LARP4: variants seen among roughly 807,000 people sequenced by gnomAD.
LARP4 encodes la-related protein 4.
In LARP4, 29 loss-of-function variants were observed where a neutral mutation model predicts 92.9. The ratio of observed to expected loss-of-function variants is 0.31; its 90% CI spans 0.23 to 0.43. The LOEUF is 0.43. Ranked by LOEUF, LARP4 falls within the 20% of genes least tolerant of loss-of-function variation. The pLI is 1.00. For synonymous variants in LARP4, 279 were observed against 284.1 expected (o/e 0.98, Z 0.18); for missense variants, 732 against 860.0 (o/e 0.85, Z 1.86).
At chr12:50,460,477 A>G (rs1955173949) in intron 10 of LARP4, among the ~76,000 whole-genome samples, 1 of 152,044 alleles carries the variant, frequency 6.6e-6, no homozygotes. Context: ...TTATAGGTGC[A>G]TACCACTGCA....
At position 50,439,037 on chromosome 12, in the gene LARP4, A is replaced by C. The variant is rs200651145; in HGVS notation, c.639+1199A>C. 1.6e-4 allele frequency among the ~76,000 whole-genome samples: 25 copies of C among 152,338 alleles called. No homozygotes were observed. The East Asian group carries it at 4.2e-3, about 26-fold the overall frequency. On this transcript the variant is annotated intron_variant, in intron 6 of 15. Transcript: ENST00000398473. ...ACTGTAGCCTTGACCTCATGGGCTC[A>C]AGCGATCCTCCCATCTCAGCCTCCT... is the stretch of plus-strand genomic sequence containing the variant.
intron 8 of LARP4, among the ~76,000 whole-genome samples, chr12:50,446,254 C>T (rs1235611231): frequency 6.9e-6 from 1 of 145,816 alleles, no homozygotes; most frequent in Non-Finnish European, 1.5e-5. Flanking sequence ...GATCTGCCCA[C>T]CTCAGCCTCC....
intron 11 of LARP4, among the ~76,000 whole-genome samples, chr12:50,462,166 T>G (rs1352457161): frequency 1.3e-5 from 2 of 151,776 alleles, no homozygotes; most frequent in Admixed American, 1.3e-4. Flanking sequence ...TAGCCCCAAA[T>G]GTAGAAAGAT....
At chr12:50,401,280 C>T in intron 1 of LARP4, 1 of 542,310 alleles carries the variant, frequency 1.8e-6, no homozygotes, top group Non-Finnish European at 3.3e-6. Flanking sequence ...TCTGGTGTGG[C>T]GGTGAGGTTC....
At chr12:50,435,756 C>G in intron 5 of LARP4, 132 bp downstream of exon 5, 1 of 661,416 alleles carries the variant, frequency 1.5e-6, no homozygotes, top group African/African-American at 1.9e-5. Context: ...GTTCCGAATT[C>G]TCTCTCTTTG....
In LARP4 at chr12:50,427,913, A is replaced by G; in HGVS notation, c.166+4A>G. ...ACATCAGGTGCTCATCCTGAGGGTA[A>G]GTCTTAAATATTTGGTCATAAAAAT... On this transcript the variant is annotated splice_donor_region_variant and intron_variant, in intron 2 of 15. Coordinates refer to ENST00000398473, the MANE Select transcript of LARP4 (RefSeq NM_052879.5). 1 of 1,569,360 alleles carries G rather than the reference A, an allele frequency of 6.4e-7. No individual in the cohort carries two copies. The highest frequency in any genetic ancestry group is 1.2e-5 in the South Asian group (1 of 83,940).
At chr12:50,468,519 G>C (rs1171158614) in intron 13 of LARP4, among the ~76,000 whole-genome samples, 1 of 145,590 alleles carries the variant, frequency 6.9e-6, no homozygotes, top group Non-Finnish European at 1.5e-5. Flanking sequence ...GGATGGTCTC[G>C]ATCTCCTGAC....
intron 15 of LARP4, 117 bp downstream of exon 15, chr12:50,474,284 G>T: frequency 1.4e-6 from 1 of 737,828 alleles, no homozygotes; most frequent in Admixed American, 2.6e-5. Flanking sequence ...AGTTGGGGCT[G>T]ACTATCAGAA....
chr12:50,420,426 G>A (rs1345100535), intron 1 of LARP4, among the ~76,000 whole-genome samples: 1 of 152,200 alleles, frequency 6.6e-6, no homozygotes, highest in Admixed American at 6.5e-5. Flanking sequence ...TGTGGAGAGT[G>A]AATATTTTAA....
In LARP4 at chr12:50,454,398, C is replaced by G; in HGVS notation, c.1102C>G (p.Arg368Gly). Residue 368 changes from arginine to glycine, a missense_variant, in exon 10 of 16, where the codon CGA (arginine) becomes GGA (glycine). Around this residue, in one of 7 missense-constraint regions of LARP4, gnomAD observed 264 missense variants for 269.5 expected, o/e 0.98. Coordinates refer to ENST00000398473, the MANE Select transcript of LARP4 (RefSeq NM_052879.5). ...KTNAAAMNMGRPFQKNRVKPQ... is the reference protein window; with the variant it reads ...KTNAAAMNMGGPFQKNRVKPQ... ...AAATGCTGCTGCTATGAATATGGGT[C>G]GACCATTCCAAAAAAATCGGTAAGA... 1 of 1,611,218 alleles carries G rather than the reference C, an allele frequency of 6.2e-7. No homozygotes were observed. Among genetic ancestry groups the G allele is most frequent in the Non-Finnish European group, 8.5e-7 (1 of 1,178,896 alleles).
chr12:50,404,584 A>G (rs1486016480), intron 1 of LARP4, among the ~76,000 whole-genome samples: 7 of 147,666 alleles, frequency 4.7e-5, no homozygotes, highest in Non-Finnish European at 1.0e-4. Context: ...GGTTTGTTTT[A>G]TTTTTTTCCT....
intron 8 of LARP4, among the ~76,000 whole-genome samples, chr12:50,444,921 C>CT (rs896951400): frequency 5.3e-5 from 8 of 152,098 alleles, no homozygotes; most frequent in African/African-American, 1.2e-4. Context: ...ATTTCACACT[C>CT]TTTTTTGAGA....
chr12:50,474,615 G>A (rs926205251), intron 15 of LARP4, among the ~76,000 whole-genome samples: 2 of 152,164 alleles, frequency 1.3e-5, no homozygotes, highest in African/African-American at 4.8e-5. Context: ...CCAAAGTGCT[G>A]GGATTACATG....
intron 4 of LARP4, among the ~76,000 whole-genome samples, chr12:50,431,940 A>G (rs1356963811): frequency 6.6e-6 from 1 of 152,184 alleles, no homozygotes; most frequent in African/African-American, 2.4e-5. Flanking sequence ...GGAGTTCAAG[A>G]CCAGCCTGGC....
Position 50,440,572 on chromosome 12 carries a change from T to C in LARP4, c.750+23T>C, listed in dbSNP as rs755800627. The C allele has an allele frequency of 4.6e-6, 7 of 1,506,710 alleles. No individual in the cohort carries two copies. The Admixed American group carries it at 5.0e-5, about 11-fold the overall frequency. The allele number at this position is 1,506,710 out of a possible 1,614,324, so 93.3% of individuals were successfully genotyped here. ...CAGGTAAGAAGAAAACATTTTCTGA[T>C]ACAAGTCCATCCTAGTGGCAAAATA... On this transcript the variant is annotated intron_variant, in intron 7 of 15. Transcript: ENST00000398473.
Position 50,479,065 on chromosome 12 carries a change from C to T in LARP4, c.*3201C>T, listed in dbSNP as rs1957717753. 1 of 152,562 alleles carries T rather than the reference C, an allele frequency of 6.6e-6. No homozygotes were observed. The allele number at this position is 152,562 out of a possible 1,614,324, so 9.5% of individuals were successfully genotyped here. A position where few individuals can be genotyped will look rare whatever the true frequency, so the allele number is the denominator to read the frequency against. On this transcript the variant is annotated 3_prime_UTR_variant, in exon 16 of 16. Transcript: ENST00000398473. ...CTTAATGATGGAATGTTAGCATCTTCACTAGGGTAAAGAAGAACAAAAAGA... is the reference window on the plus strand; with the variant it reads ...CTTAATGATGGAATGTTAGCATCTTTACTAGGGTAAAGAAGAACAAAAAGA...
chr12:50,422,252 A>G (rs1365903590), intron 1 of LARP4, among the ~76,000 whole-genome samples: 2 of 152,160 alleles, frequency 1.3e-5, no homozygotes, highest in Non-Finnish European at 2.9e-5. Context: ...GGCTTGAGCC[A>G]CTGCCCCCGA....
intron 1 of LARP4, among the ~76,000 whole-genome samples, chr12:50,404,681 G>GTTTTTTT (rs1162590362): frequency 1.5e-5 from 1 of 67,356 alleles, no homozygotes; most frequent in Non-Finnish European, 3.1e-5. Flanking sequence ...GGTTCAAGCA[G>GTTTTTTT]TTTTTTTTTT....
At position 50,473,806 on chromosome 12, in the gene LARP4, TG is replaced by T. The variant is rs1443099947; in HGVS notation, c.1668-186del. ...GCTTGAACCGGGGGGTGGGGGTGGG[TG>T]GGGGGGTGGGGGGGGTGGGGGGTGC... On this transcript the variant is annotated intron_variant, in intron 14 of 15. Coordinates refer to ENST00000398473, the MANE Select transcript of LARP4 (RefSeq NM_052879.5). Among the ~76,000 whole-genome samples, 8 of 5,210 alleles carry T rather than the reference TG, an allele frequency of 1.5e-3. 1 individual carries two copies. The highest frequency in any genetic ancestry group is 3.7e-3 in the African/African-American group (5 of 1,364). The allele number at this position is 5,210 out of a possible 152,430, so 3.4% of individuals were successfully genotyped here. A position where few individuals can be genotyped will look rare whatever the true frequency, so the allele number is the denominator to read the frequency against.
Sources: allele counts gnomAD v4.1 joint callset (sites outside exome capture counted in the v4.1 genomes callset), GRCh38; gene constraint gnomAD v4.1.1; regional missense constraint gnomAD v4.1.1; transcripts MANE v1.5; gene names NCBI Gene and HGNC (gene_info 2026-07-23, HGNC 2026-07-21).